XIRP2: variants seen among roughly 807,000 people sequenced by gnomAD.
The protein encoded by XIRP2 is xin actin-binding repeat-containing protein 2.
Under a neutral mutation model 277.0 loss-of-function variants are expected in XIRP2, and 236 were observed. The ratio of observed to expected loss-of-function variants is 0.85; its 90% CI spans 0.77 to 0.95. The LOEUF is 0.95. XIRP2 is among the 40% of genes least tolerant of loss of function. The pLI is 0.00. For missense variants in XIRP2, 4,640 were observed against 4,157.5 expected (o/e 1.12, Z -3.19); for synonymous variants, 1,490 against 1,416.5 (o/e 1.05, Z -1.17).
At chr2:167,028,344 G>T (rs1007196699) in intron 2 of XIRP2, among the ~76,000 whole-genome samples, 1 of 151,968 alleles carries the variant, frequency 6.6e-6, no homozygotes, top group African/African-American at 2.4e-5. Flanking sequence ...CCTGATTCAG[G>T]CAGCTCAGGA....
chr2:167,128,673 CT>C (rs1319214543), intron 2 of XIRP2, among the ~76,000 whole-genome samples: 1 of 152,146 alleles, frequency 6.6e-6, no homozygotes, highest in Non-Finnish European at 1.5e-5. Flanking sequence ...ACTTAATTCA[CT>C]TGCAAGAGTT....
rs192160668 is a variant in XIRP2, at chr2:167,210,879, G to A, written c.707G>A (p.Arg236His). 117 of 1,614,066 alleles carry A rather than the reference G, an allele frequency of 7.2e-5. No individual in the cohort carries two copies. The highest frequency in any genetic ancestry group is 9.2e-5 in the Non-Finnish European group (109 of 1,179,974). ...YQAAVSRGDCRSFSANMMEES... is the reference protein window; with the variant it reads ...YQAAVSRGDCHSFSANMMEES... Reference sequence around the variant, plus strand: ...GCAGCTGTTTCCAGGGGTGACTGCCGCAGCTTCTCTGCTAATGTAAGCTGC... The same window carrying A: ...GCAGCTGTTTCCAGGGGTGACTGCCACAGCTTCTCTGCTAATGTAAGCTGC... Residue 236 changes from arginine to histidine, a missense_variant, in exon 4 of 11, where the codon CGC becomes CAC. Coordinates refer to ENST00000409195, the MANE Select transcript of XIRP2 (RefSeq NM_152381.6).
chr2:167,130,086 A>G (rs973891315), intron 2 of XIRP2, among the ~76,000 whole-genome samples: 3 of 151,768 alleles, frequency 2.0e-5, no homozygotes, highest in African/African-American at 4.8e-5. Flanking sequence ...TGACTTCTCT[A>G]CCCTCCACCT....
chr2:167,220,112 T>C (rs1001423225), intron 5 of XIRP2, among the ~76,000 whole-genome samples: 2 of 152,174 alleles, frequency 1.3e-5, no homozygotes, highest in Admixed American at 1.3e-4. Context: ...AAATCAGCCA[T>C]AGTGAGAATA....
Position 167,214,226 on chromosome 2 carries a change from G to GGAAGGAAGGAAGGAAGGAAGGA in XIRP2, c.723+3331_723+3332insGAAGGAAGGAAGGAAGGAAGGA, listed in dbSNP as rs1559024057. Among the ~76,000 whole-genome samples, 335 of 67,324 alleles carry GGAAGGAAGGAAGGAAGGAAGGA rather than the reference G, an allele frequency of 5.0e-3. 10 individuals carry two copies. Among genetic ancestry groups the GGAAGGAAGGAAGGAAGGAAGGA allele is most frequent in the Non-Finnish European group, 6.7e-3 (268 of 40,072 alleles). 44.2% of individuals were successfully genotyped at this position (67,324 alleles called of 152,430 possible). The stretch of plus-strand genomic sequence containing the variant: ...AAAGAGAGGGAGGGAGGGAGGGAGG[G>GGAAGGAAGGAAGGAAGGAAGGA]AGGAAGGAAGGAAGGAAGGAAGGAA... On this transcript the variant is annotated intron_variant, in intron 4 of 10. Transcript: ENST00000409195.
chr2:167,043,696 A>G (rs1688720555), intron 2 of XIRP2, among the ~76,000 whole-genome samples: 1 of 152,036 alleles, frequency 6.6e-6, no homozygotes, highest in South Asian at 2.1e-4. Flanking sequence ...TGAATCGTTA[A>G]TGAAAGAAAC....
Position 167,242,140 on chromosome 2 carries a change from G to A in XIRP2, c.1176+230G>A, listed in dbSNP as rs1367780142. Among the ~76,000 whole-genome samples, 3 of 152,042 alleles carry A rather than the reference G, an allele frequency of 2.0e-5. 1 individual carries two copies. Among genetic ancestry groups the A allele is most frequent in the Admixed American group, 1.3e-4 (2 of 15,272 alleles). On this transcript the variant is annotated intron_variant, in intron 8 of 10. Transcript: ENST00000409195. ...ATGAAAAAATTATATATGTTCTAAA[G>A]TCTAATAATTAACATTAAAGTAATT...
In XIRP2 at chr2:167,242,824, C is replaced by A; in HGVS notation, c.1432C>A (p.Pro478Thr). Reference protein sequence around the residue: ...AFSQSPELPSPPRRLPVPKDV... With the variant: ...AFSQSPELPSTPRRLPVPKDV... ...TTCCCAGTCCCCTGAACTGCCCAGT[C>A]CTCCTAGAAGACTACCAGTCCCCAA... Residue 478 changes from proline to threonine, a missense_variant, in exon 9 of 11, where the codon CCT becomes ACT. Pro to Thr is a conservative substitution (Grantham distance 38). Coordinates refer to ENST00000409195, the MANE Select transcript of XIRP2 (RefSeq NM_152381.6). 1 of 1,614,126 alleles carries A rather than the reference C, an allele frequency of 6.2e-7. No homozygotes were observed.
intron 2 of XIRP2, among the ~76,000 whole-genome samples, chr2:167,025,724 T>C (rs1286110525): frequency 6.6e-6 from 1 of 152,160 alleles, no homozygotes; most frequent in East Asian, 1.9e-4. Context: ...CCAGTAGTCA[T>C]TCAGGAGCAG....
intron 2 of XIRP2, among the ~76,000 whole-genome samples, chr2:167,016,642 G>A (rs1227778411): frequency 6.6e-6 from 1 of 151,836 alleles, no homozygotes; most frequent in African/African-American, 2.4e-5. Flanking sequence ...CAGCTGCTAA[G>A]GTAGAATCAA....
chr2:167,148,403 A>AAGAAAGAAAGAAAGAAAG (rs1553491586), intron 3 of XIRP2, among the ~76,000 whole-genome samples: 1 of 122,318 alleles, frequency 8.2e-6, no homozygotes, highest in Non-Finnish European at 1.8e-5. Flanking sequence ...GAAAGAAAGA[A>AAGAAAGAAAGAAAGAAAG]AAAGAAAGAA....
rs200881042 is a variant in XIRP2, at chr2:166,903,739, A to G, written c.257A>G (p.Asn86Ser). 3 of 1,613,520 alleles carry G rather than the reference A, an allele frequency of 1.9e-6. No individual in the cohort carries two copies. Among genetic ancestry groups the G allele is most frequent in the African/African-American group, 2.7e-5 (2 of 74,890 alleles). Residue 86 changes from asparagine (N) to serine (S), a missense_variant, in exon 2 of 11, where the codon AAC (asparagine) becomes AGC (serine). Asn to Ser is a conservative substitution (Grantham distance 46). Coordinates refer to ENST00000409195, the MANE Select transcript of XIRP2 (RefSeq NM_152381.6). ...EEKDSVDKSN[N>S]TREYGRPEVL... is the part of the protein sequence containing the mutation. ...AAGGATTCTGTGGACAAGAGTAACA[A>G]CACCAGGGAATATGGTCGGCCAGAA...
At position 166,908,715 on chromosome 2, in the gene XIRP2, C is replaced by G. The variant is rs1684605636; in HGVS notation, c.408+4825C>G. Among the ~76,000 whole-genome samples the G allele has an allele frequency of 5.9e-5, 9 of 152,120 alleles. No individual in the cohort carries two copies. The South Asian group carries it at 1.9e-3, about 32-fold the overall frequency. On this transcript the variant is annotated intron_variant, in intron 2 of 10. Coordinates refer to ENST00000409195, the MANE Select transcript of XIRP2 (RefSeq NM_152381.6). Reference sequence around the variant, plus strand: ...CATGCCTATGTCCTGAATGGTATAGCCTAGGTTTTCTTCTAGGGTTTTTAT... The same window carrying G: ...CATGCCTATGTCCTGAATGGTATAGGCTAGGTTTTCTTCTAGGGTTTTTAT...
chr2:167,051,154 T>C (rs946164370), intron 2 of XIRP2, among the ~76,000 whole-genome samples: 1 of 152,080 alleles, frequency 6.6e-6, no homozygotes, highest in African/African-American at 2.4e-5. Context: ...TCATTTCTTC[T>C]ACCCGCTACT....
intron 2 of XIRP2, among the ~76,000 whole-genome samples, chr2:166,981,895 T>G (rs1686879312): frequency 6.6e-6 from 1 of 152,224 alleles, no homozygotes; most frequent in Admixed American, 6.5e-5. Flanking sequence ...ATACTTTAAA[T>G]AAGATGAAAA....
At chr2:166,959,108 C>T (rs898121193) in intron 2 of XIRP2, among the ~76,000 whole-genome samples, 2 of 151,842 alleles carry the variant, frequency 1.3e-5, no homozygotes, top group East Asian at 1.9e-4. Flanking sequence ...ACTATGTACT[C>T]GAGAGAATGT....
In XIRP2 at chr2:167,243,127, T is replaced by A. The variant is rs1014163958; in HGVS notation, c.1735T>A (p.Trp579Arg). 1.9e-6 allele frequency: 3 copies of A among 1,614,116 alleles called. No homozygotes were observed. Among genetic ancestry groups the A allele is most frequent in the Middle Eastern group, 3.3e-4 (2 of 6,062 alleles). ...GAAGGGAGAGGTGCAGTCCATTAGA[T>A]GGATCTTTGAGAATCAACCATTGGA... Reference protein sequence around the residue: ...ILKGEVQSIRWIFENQPLDSI... With the variant: ...ILKGEVQSIRRIFENQPLDSI... Residue 579 changes from tryptophan (W) to arginine (R), a missense_variant, in exon 9 of 11, where the codon TGG (tryptophan) becomes AGG (arginine). Transcript: ENST00000409195.
intron 2 of XIRP2, among the ~76,000 whole-genome samples, chr2:167,027,796 C>A (rs1031226863): frequency 6.6e-6 from 1 of 151,978 alleles, no homozygotes; most frequent in African/African-American, 2.4e-5. Flanking sequence ...ACAGGTAAAT[C>A]TTAAATAGAG....
Position 167,098,636 on chromosome 2 carries a change from A to G in XIRP2, c.409-37273A>G, listed in dbSNP as rs372445189. 3.9e-5 allele frequency among the ~76,000 whole-genome samples: 6 copies of G among 152,218 alleles called. No individual in the cohort carries two copies. The South Asian group carries it at 1.2e-3, about 32-fold the overall frequency. ...GGAGAAGAGGCATTCTGGTTTTGGA[A>G]TTTTCAGCCTTTTTGCATGGGCTTT... On this transcript the variant is annotated intron_variant, in intron 2 of 10. Coordinates refer to ENST00000409195, the MANE Select transcript of XIRP2 (RefSeq NM_152381.6).
Sources: allele counts gnomAD v4.1 joint callset (sites outside exome capture counted in the v4.1 genomes callset), GRCh38; gene constraint gnomAD v4.1.1; transcripts MANE v1.5; gene names NCBI Gene and HGNC (gene_info 2026-07-23, HGNC 2026-07-21).